Variants in RUNX3 observed in about 807,000 individuals in gnomAD.
RUNX3 encodes the protein RUNX family transcription factor 3, also known as runt-related transcription factor 3.
In RUNX3, 10 loss-of-function variants were observed where a neutral mutation model predicts 27.7. The ratio of observed to expected loss-of-function variants is 0.36; its 90% CI spans 0.22 to 0.61. The LOEUF (loss-of-function observed/expected upper bound fraction) is 0.61. Ranked by LOEUF, RUNX3 falls within the 20% of genes least tolerant of loss-of-function variation. The pLI, the probability that RUNX3 is intolerant of heterozygous loss-of-function variation, is 0.72. For synonymous variants in RUNX3, 270 were observed against 269.2 expected (o/e 1.00, Z -0.03); for missense variants, 469 against 629.5 (o/e 0.75, Z 2.73).
intron 2 of RUNX3, among the ~76,000 whole-genome samples, chr1:24,938,541 G>C (rs751634484): frequency 3.3e-5 from 5 of 152,166 alleles, no homozygotes; most frequent in African/African-American, 4.8e-5. Context: ...CAGGTGGTCT[G>C]TCAGGCACCC....
At chr1:24,955,257 G>A (rs766876996) in intron 2 of RUNX3, among the ~76,000 whole-genome samples, 3 of 152,122 alleles carry the variant, frequency 2.0e-5, no homozygotes, top group Non-Finnish European at 4.4e-5. Flanking sequence ...TAGAGGTATC[G>A]GGGAGGGCTC....
At position 24,927,882 on chromosome 1, in the gene RUNX3, A is replaced by T; in HGVS notation, c.283-152T>A. ...TGCAGGGTGGAGAAGAGGCTTAAAA[A>T]CAATAAAGACCTTCCCCCAAATATC... is the stretch of plus-strand genomic sequence containing the variant. On this transcript the variant is annotated intron_variant, in intron 1 of 4. Transcript: ENST00000308873. The surrounding 1 kb of genome is among the most constrained non-coding windows in gnomAD (Gnocchi z 5.0). 1.6e-6 allele frequency: 1 copy of T among 627,822 alleles called. No individual in the cohort carries two copies. The highest frequency in any genetic ancestry group is 2.8e-6 in the Non-Finnish European group (1 of 361,858). The allele number at this position is 627,822 out of a possible 1,614,324, so 38.9% of individuals were successfully genotyped here. A position where few individuals can be genotyped will look rare whatever the true frequency, so the allele number is the denominator to read the frequency against.
rs1458121047 is a variant in RUNX3 at position 24,902,277 on chromosome 1, T to C, written c.1093A>G (p.Thr365Ala). Residue 365 changes from threonine to alanine, a missense_variant, in exon 5 of 5, where the codon ACC becomes GCC. Thr to Ala is a moderately conservative substitution (Grantham distance 58). Coordinates refer to ENST00000308873, the MANE Select transcript of RUNX3 (RefSeq NM_004350.3). The surrounding 1 kb of genome is among the most constrained non-coding windows in gnomAD (Gnocchi z 9.2). The stretch of plus-strand genomic sequence containing the variant: ...GCGGCGACAGAGGCAGCGCTGCTGG[T>C]GCAAGAGGCCAGCATGCGGGTAGGT... ...RSPTRMLASC[T>A]SSAASVAAGN... 1.3e-6 allele frequency: 2 copies of C among 1,596,988 alleles called. No homozygotes were observed. Among genetic ancestry groups the C allele is most frequent in the Non-Finnish European group, 1.7e-6 (2 of 1,174,144 alleles).
At chr1:24,908,208 C>CGACACGCGGTGATCTGAACCTCTAT (rs1557837355) in intron 3 of RUNX3, among the ~76,000 whole-genome samples, 1 of 144,238 alleles carries the variant, frequency 6.9e-6, no homozygotes, top group Admixed American at 6.8e-5. Flanking sequence ...CGAACCTCTA[C>CGACACGCGGTGATCTGAACCTCTAT]GACACGCGGT....
intron 2 of RUNX3, among the ~76,000 whole-genome samples, chr1:24,919,652 G>T (rs766568860): frequency 7.2e-5 from 11 of 151,990 alleles, no homozygotes; most frequent in Non-Finnish European, 1.3e-4. Context: ...ACGATTTTGT[G>T]GTGGGGAGCA....
intron 2 of RUNX3, among the ~76,000 whole-genome samples, chr1:24,957,942 G>A (rs906856484): frequency 3.9e-5 from 6 of 152,220 alleles, no homozygotes; most frequent in Non-Finnish European, 7.3e-5. Context: ...TTATCCCTGG[G>A]AGCCATTGAC....
rs1210036035 is a variant in RUNX3 at position 24,901,016 on chromosome 1, TG to T, written c.*1105del. ...CTAAAATCAGTTTTAAAAACTGTTT[TG>T]TTTTTTTTTTGTTTTTTTGTTTTTT... is the stretch of plus-strand genomic sequence containing the variant. On this transcript the variant is annotated 3_prime_UTR_variant, in exon 5 of 5. Transcript: ENST00000308873. 69 of 149,966 alleles carry T rather than the reference TG, an allele frequency of 4.6e-4. No homozygotes were observed. Among genetic ancestry groups the T allele is most frequent in the African/African-American group, 1.5e-3 (59 of 39,682 alleles). 9.3% of individuals were successfully genotyped at this position (149,966 alleles called of 1,614,324 possible).
At chr1:24,935,870 C>T (rs1216052872) in intron 2 of RUNX3, among the ~76,000 whole-genome samples, 2 of 152,206 alleles carry the variant, frequency 1.3e-5, no homozygotes, top group African/African-American at 4.8e-5. Context: ...AACCCAAGCT[C>T]CGAAAGTAAA....
At chr1:24,957,380 CCATT>C (rs1358463882) in intron 2 of RUNX3, among the ~76,000 whole-genome samples, 4 of 148,314 alleles carry the variant, frequency 2.7e-5, no homozygotes, top group African/African-American at 1.0e-4. Flanking sequence ...ATCCATCCAT[CCATT>C]CTTTCTTTCT....
intron 4 of RUNX3, among the ~76,000 whole-genome samples, chr1:24,905,848 C>T (rs1640653706): frequency 6.6e-6 from 1 of 152,236 alleles, no homozygotes; most frequent in Non-Finnish European, 1.5e-5. Context: ...GGCAGCTACG[C>T]GGCAGGGGTG....
upstream of RUNX3, among the ~76,000 whole-genome samples, chr1:24,931,455 G>A (rs566566507): frequency 6.6e-6 from 1 of 152,290 alleles, no homozygotes; most frequent in South Asian, 2.1e-4. Flanking sequence ...ACAGTTGGGA[G>A]GGCAACGGGA....
At position 24,906,343 on chromosome 1, in the gene RUNX3, A is replaced by G. The variant is rs112568053; in HGVS notation, c.703+916T>C. ...AGGCCTCTCAATTCATTCATCTGCC[A>G]AGGGGTTCTAACCAGGCTCTGGGGA... On this transcript the variant is annotated intron_variant, in intron 4 of 4. Coordinates refer to ENST00000308873, the MANE Select transcript of RUNX3 (RefSeq NM_004350.3). 4.3e-3 allele frequency among the ~76,000 whole-genome samples: 659 copies of G among 152,306 alleles called. 11 individuals are homozygous for G. Among genetic ancestry groups the G allele is most frequent in the African/African-American group, 0.015 (621 of 41,566 alleles).
At chr1:24,914,866 C>T (rs1232528235) in intron 3 of RUNX3, among the ~76,000 whole-genome samples, 4 of 152,202 alleles carry the variant, frequency 2.6e-5, no homozygotes, top group Admixed American at 6.5e-5. Flanking sequence ...GCTGGCTGCT[C>T]ACTTCAGGCC....
intron 3 of RUNX3, among the ~76,000 whole-genome samples, chr1:24,911,040 G>A (rs757301232): frequency 2.0e-5 from 3 of 152,350 alleles, no homozygotes; most frequent in South Asian, 2.1e-4. Context: ...ATTCCAGACC[G>A]AGTCCTCAGC....
chr1:24,920,955 G>A (rs1314294129), intron 2 of RUNX3, among the ~76,000 whole-genome samples: 1 of 152,116 alleles, frequency 6.6e-6, no homozygotes, highest in Non-Finnish European at 1.5e-5. Context: ...GAGCGGGGGA[G>A]ATTTGCGGAT....
rs147568029 is a variant in RUNX3, at chr1:24,948,674, C to T, written c.58+15840G>A. Among the ~76,000 whole-genome samples the T allele has an allele frequency of 7.7e-3, 1,056 of 137,334 alleles. 10 individuals are homozygous for T. Among genetic ancestry groups the T allele is most frequent in the African/African-American group, 0.028 (999 of 35,660 alleles). 90.1% of individuals were successfully genotyped at this position (137,334 alleles called of 152,430 possible). On this transcript the variant is annotated intron_variant, in intron 2 of 6. Coordinates refer to the RUNX3 transcript ENST00000338888. Reference sequence around the variant, plus strand: ...CAGGACGGGGTGCATGTGGGGGGTGCGTGCAAGACAGAGGTGCATGGGAGA... The same window carrying T: ...CAGGACGGGGTGCATGTGGGGGGTGTGTGCAAGACAGAGGTGCATGGGAGA...
chr1:24,949,792 C>G (rs574111859), intron 2 of RUNX3, among the ~76,000 whole-genome samples: 1 of 152,256 alleles, frequency 6.6e-6, no homozygotes, highest in Non-Finnish European at 1.5e-5. Context: ...CTCTCTGGAG[C>G]GGGGGTTTGG....
At position 24,929,621 on chromosome 1, in the gene RUNX3, C is replaced by T; in HGVS notation, c.248G>A (p.Trp83Ter). ...NFLCSVLPSH[W>*]RCNKTLPVAF... ...GACGGGCAGCGTCTTGTTGCAGCGC[C>T]AGTGCGAGGGCAGCACGGAGCAGAG... The change falls in exon 1 of 5, where the codon TGG becomes TAG. Residue 83 changes from tryptophan to a stop codon, truncating the protein, a stop_gained. Transcript: ENST00000308873. LOFTEE classifies it high-confidence loss of function. 6.2e-7 allele frequency: 1 copy of T among 1,608,884 alleles called. No homozygotes were observed. The highest frequency in any genetic ancestry group is 8.5e-7 in the Non-Finnish European group (1 of 1,179,150).
chr1:24,951,660 G>A (rs1019009759), intron 2 of RUNX3, among the ~76,000 whole-genome samples: 6 of 152,154 alleles, frequency 3.9e-5, no homozygotes, highest in African/African-American at 1.4e-4. Flanking sequence ...CCAGAAATGG[G>A]GCCAAGAGAA....
Sources: allele counts gnomAD v4.1 joint callset (sites outside exome capture counted in the v4.1 genomes callset), GRCh38; gene constraint gnomAD v4.1.1; non-coding constraint Gnocchi (gnomAD v3.1); transcripts MANE v1.5; gene names NCBI Gene and HGNC (gene_info 2026-07-23, HGNC 2026-07-21).